AOC2: variants seen among roughly 807,000 people sequenced by gnomAD.
AOC2 encodes the protein amine oxidase [copper-containing] 2.
AOC2 carries 57 observed loss-of-function variants against 53.8 expected under a neutral mutation model. The ratio of observed to expected loss-of-function variants is 1.06; its 90% CI spans 0.86 to 1.32. AOC2 has a LOEUF of 1.32. Among genes scored for constraint, AOC2 ranks in the 40% most tolerant of loss-of-function variants. The probability of loss-of-function intolerance (pLI) is 0.00; values close to 1 mark genes in which losing one functional copy is unlikely to be tolerated. For missense variants in AOC2, 1,008 were observed against 957.2 expected (o/e 1.05, Z -0.70); for synonymous variants, 404 against 399.0 (o/e 1.01, Z -0.15).
intron 1 of AOC2, 109 bp from the exon 2 acceptor site, chr17:42,848,977 C>T: frequency 8.3e-7 from 1 of 1,202,254 alleles, no homozygotes; most frequent in Admixed American, 2.7e-5. Context: ...CTCTGATGCT[C>T]TCTCTGCCTT....
chr17:42,845,929 C>T lies in AOC2; in HGVS notation c.1303C>T (p.Arg435Ter), dbSNP rs777111912. The change falls in exon 1 of 4, where the codon CGA (arginine) becomes TGA (stop). Residue 435 changes from arginine (R) to a stop codon, truncating the protein, a stop_gained. Coordinates refer to ENST00000253799, the MANE Select transcript of AOC2 (RefSeq NM_009590.4). LOFTEE classifies it high-confidence loss of function. ...VFEEAQGLPL[R>*]RHHNYLQNHF... ...TGAGGAAGCCCAGGGACTGCCCCTTCGAAGGCACCACAATTACCTTCAAAA... is the reference window on the plus strand; with the variant it reads ...TGAGGAAGCCCAGGGACTGCCCCTTTGAAGGCACCACAATTACCTTCAAAA... 1.4e-5 allele frequency: 22 copies of T among 1,614,032 alleles called. No individual in the cohort carries two copies. The highest frequency in any genetic ancestry group is 6.7e-5 in the Admixed American group (4 of 59,992).
At position 42,845,818 on chromosome 17, in the gene AOC2, T is replaced by C; in HGVS notation, c.1192T>C (p.Cys398Arg). The change falls in exon 1 of 4, where the codon TGC (cysteine) becomes CGC (arginine). Residue 398 changes from cysteine to arginine, a missense_variant. Physicochemically the swap from Cys to Arg is radical, Grantham distance 180. Transcript: ENST00000253799. ...CCGAGGCTTGGTGCGGGGAGTGGAC[T>C]GCCCCTATCAAGCCACGATGGTGGA... ...NSRGLVRGVD[C>R]PYQATMVDIH... The C allele has an allele frequency of 6.2e-7, 1 of 1,614,182 alleles. No homozygotes were observed. Among genetic ancestry groups the C allele is most frequent in the Non-Finnish European group, 8.5e-7 (1 of 1,180,030 alleles).
At position 42,846,018 on chromosome 17, in the gene AOC2, C is replaced by T. The variant is rs367595121; in HGVS notation, c.1392C>T (p.Asn464=). 2.5e-6 allele frequency: 4 copies of T among 1,613,766 alleles called. No individual in the cohort carries two copies. In the African/African-American group the frequency reaches 5.3e-5, roughly 22 times the overall value. Residue 464 remains asparagine, a synonymous_variant, in exon 1 of 4, where the codon AAC becomes AAT. Transcript: ENST00000253799. ...TCAGGTCTGTGTCATCTGTGGGCAACTATGACTACATTTGGGACTTTGTGT... is the reference window on the plus strand; with the variant it reads ...TCAGGTCTGTGTCATCTGTGGGCAATTATGACTACATTTGGGACTTTGTGT... The part of the protein sequence containing the change: ...LVVRSVSSVG[N]YDYIWDFVLY...
chr17:42,849,781 T>G, intron 3 of AOC2, 51 bp downstream of exon 3: 1 of 1,611,452 alleles, frequency 6.2e-7, no homozygotes, highest in Middle Eastern at 1.7e-4. Context: ...CATGGCATCT[T>G]GGCTGCCCAG....
rs2055596849 is a variant in AOC2 at position 42,846,073 on chromosome 17, G to T, written c.1447G>T (p.Val483Phe). The change falls in exon 1 of 4, where the codon GTC becomes TTC. Residue 483 changes from valine (V) to phenylalanine (F), a missense_variant. Physicochemically the swap from Val to Phe is conservative, Grantham distance 50. Transcript: ENST00000253799. Reference sequence around the variant, plus strand: ...CCCAAATGGGGCACTTGAAGGGCGGGTCCATGCCACGGGTTATATCAACAC... The same window carrying T: ...CCCAAATGGGGCACTTGAAGGGCGGTTCCATGCCACGGGTTATATCAACAC... ...LYPNGALEGR[V>F]HATGYINTAF... The T allele has an allele frequency of 2.5e-6, 4 of 1,607,442 alleles. No individual in the cohort carries two copies. Among genetic ancestry groups the T allele is most frequent in the Non-Finnish European group, 3.4e-6 (4 of 1,175,082 alleles).
rs2055648734 is a variant in AOC2, at chr17:42,850,633, A to G, written c.*285A>G. 3.3e-6 allele frequency: 1 copy of G among 306,020 alleles called. No individual in the cohort carries two copies. Among genetic ancestry groups the G allele is most frequent in the Non-Finnish European group, 5.9e-6 (1 of 168,194 alleles). 19.0% of individuals were successfully genotyped at this position (306,020 alleles called of 1,614,324 possible). ...ATCAGACATCTCTTTATGCATGTGC[A>G]TTCAAAAGGAAGAGTAGATAGAATT... On this transcript the variant is annotated 3_prime_UTR_variant, in exon 4 of 4. Coordinates refer to ENST00000253799, the MANE Select transcript of AOC2 (RefSeq NM_009590.4).
At position 42,846,061 on chromosome 17, in the gene AOC2, C is replaced by T. The variant is rs750298859; in HGVS notation, c.1435C>T (p.Leu479Phe). 1 of 1,608,382 alleles carries T rather than the reference C, an allele frequency of 6.2e-7. No individual in the cohort carries two copies. The highest frequency in any genetic ancestry group is 8.5e-7 in the Non-Finnish European group (1 of 1,175,550). Residue 479 changes from leucine (L) to phenylalanine (F), a missense_variant, in exon 1 of 4, where the codon CTT becomes TTT. Leu to Phe is a conservative substitution (Grantham distance 22). Transcript: ENST00000253799. ...CTTTGTGTTGTACCCAAATGGGGCACTTGAAGGGCGGGTCCATGCCACGGG... is the reference window on the plus strand; with the variant it reads ...CTTTGTGTTGTACCCAAATGGGGCATTTGAAGGGCGGGTCCATGCCACGGG... ...WDFVLYPNGA[L>F]EGRVHATGYI...
In AOC2 at chr17:42,844,759, C is replaced by T. The variant is rs1371665886; in HGVS notation, c.133C>T (p.Gln45Ter). The T allele has an allele frequency of 1.9e-6, 3 of 1,614,094 alleles. No individual in the cohort carries two copies. Among genetic ancestry groups the T allele is most frequent in the African/African-American group, 1.3e-5 (1 of 74,924 alleles). ...PHCPSVSHRA[Q>*]PWPHPGQSQL... ...CTGCCCCTCTGTATCCCATAGGGCCCAGCCCTGGCCACACCCTGGCCAGAG... is the reference window on the plus strand; with the variant it reads ...CTGCCCCTCTGTATCCCATAGGGCCTAGCCCTGGCCACACCCTGGCCAGAG... The change falls in exon 1 of 4, where the codon CAG becomes TAG. Residue 45 changes from glutamine (Q) to a stop codon, truncating the protein, a stop_gained. Coordinates refer to ENST00000253799, the MANE Select transcript of AOC2 (RefSeq NM_009590.4). LOFTEE classifies it high-confidence loss of function.
intron 1 of AOC2, among the ~76,000 whole-genome samples, chr17:42,847,142 T>C (rs1237619812): frequency 4.6e-5 from 7 of 152,378 alleles, no homozygotes; most frequent in Middle Eastern, 3.4e-3. Flanking sequence ...GAAGGACTAA[T>C]AGCATGATTG....
chr17:42,845,714 T>C lies in AOC2; in HGVS notation c.1088T>C (p.Val363Ala). Residue 363 changes from valine to alanine, a missense_variant, in exon 1 of 4, where the codon GTA becomes GCA. Coordinates refer to ENST00000253799, the MANE Select transcript of AOC2 (RefSeq NM_009590.4). ...TATGAAGTCAGTGTCCAGGAGTGTG[T>C]ATCTATCTATGGTGCCGATTCACCC... The part of the protein sequence containing the change: ...IAYEVSVQEC[V>A]SIYGADSPKT... 1 of 1,614,166 alleles carries C rather than the reference T, an allele frequency of 6.2e-7. No individual in the cohort carries two copies. The highest frequency in any genetic ancestry group is 1.6e-4 in the Middle Eastern group (1 of 6,062).
rs764016628 is a variant in AOC2 at position 42,849,682 on chromosome 17, C to T, written c.1956C>T (p.Pro652=). 2 of 1,614,222 alleles carry T rather than the reference C, an allele frequency of 1.2e-6. No individual in the cohort carries two copies. The highest frequency in any genetic ancestry group is 1.1e-5 in the South Asian group (1 of 91,088). ...SIYHQNDIWT[P]TVTFADFINN... The stretch of plus-strand genomic sequence containing the variant: ...ATCACCAGAATGACATCTGGACACC[C>T]ACAGTTACCTTTGCTGACTTCATCA... The change falls in exon 3 of 4, where the codon CCC becomes CCT. Residue 652 remains proline (P), a synonymous_variant. Coordinates refer to ENST00000253799, the MANE Select transcript of AOC2 (RefSeq NM_009590.4).
At position 42,844,784 on chromosome 17, in the gene AOC2, G is replaced by C. The variant is rs758797158; in HGVS notation, c.158G>C (p.Ser53Thr). The change falls in exon 1 of 4, where the codon AGC becomes ACC. Residue 53 changes from serine (S) to threonine (T), a missense_variant. Coordinates refer to ENST00000253799, the MANE Select transcript of AOC2 (RefSeq NM_009590.4). ...RAQPWPHPGQSQLFADLSREE... is the reference protein window; with the variant it reads ...RAQPWPHPGQTQLFADLSREE... The stretch of plus-strand genomic sequence containing the variant: ...CAGCCCTGGCCACACCCTGGCCAGA[G>C]CCAGCTGTTTGCAGACCTGAGCCGA... 6 of 1,614,104 alleles carry C rather than the reference G, an allele frequency of 3.7e-6. No homozygotes were observed. In the East Asian group the frequency reaches 1.3e-4, roughly 36 times the overall value.
In AOC2 at chr17:42,849,228, C is replaced by A. The variant is rs1156829797; in HGVS notation, c.1731C>A (p.Ser577Arg). ...KEDLTAFSLG[S>R]PLPRYLYLAS... ...ACCTGACAGCTTTTTCCTTGGGAAG[C>A]CCCCTACCCCGCTACCTCTACCTGG... The change falls in exon 2 of 4, where the codon AGC becomes AGA. Residue 577 changes from serine to arginine, a missense_variant. Ser to Arg is a moderately radical substitution (Grantham distance 110). Transcript: ENST00000253799. The A allele has an allele frequency of 6.2e-7, 1 of 1,614,164 alleles. No individual in the cohort carries two copies. Among genetic ancestry groups the A allele is most frequent in the East Asian group, 2.2e-5 (1 of 44,882 alleles).
chr17:42,848,524 A>AATATATATATATATATATATACATAT (rs966225347), intron 1 of AOC2, among the ~76,000 whole-genome samples: 9 of 131,258 alleles, frequency 6.9e-5, no homozygotes, highest in East Asian at 4.1e-4. Flanking sequence ...AGAGGAACTG[A>AATATATATATATATATATATACATAT]ATATATATAT....
In AOC2 at chr17:42,849,648, G is replaced by T; in HGVS notation, c.1922G>T (p.Ser641Ile). The change falls in exon 3 of 4, where the codon AGT (serine) becomes ATT (isoleucine). Residue 641 changes from serine to isoleucine, a missense_variant. Coordinates refer to ENST00000253799, the MANE Select transcript of AOC2 (RefSeq NM_009590.4). ...TQRKEEESQS[S>I]SIYHQNDIWT... ...AGAAAGGAGGAGGAGTCACAGAGCAGTAGCATCTATCACCAGAATGACATC... is the reference window on the plus strand; with the variant it reads ...AGAAAGGAGGAGGAGTCACAGAGCATTAGCATCTATCACCAGAATGACATC... 6.2e-7 allele frequency: 1 copy of T among 1,614,226 alleles called. No individual in the cohort carries two copies. The highest frequency in any genetic ancestry group is 1.1e-5 in the South Asian group (1 of 91,088).
chr17:42,849,468 C>A, intron 2 of AOC2, 97 bp downstream of exon 2: 1 of 1,579,302 alleles, frequency 6.3e-7, no homozygotes. Context: ...CCATTCATCC[C>A]TGTACCTCCC....
chr17:42,848,958 C>A, intron 1 of AOC2, 128 bp from the exon 2 acceptor site: 1 of 1,056,534 alleles, frequency 9.5e-7, no homozygotes, highest in Non-Finnish European at 1.4e-6. Flanking sequence ...TGGCTCCCAG[C>A]ACAGTGTGCT....
chr17:42,844,898 G>C lies in AOC2; in HGVS notation c.272G>C (p.Cys91Ser). 1 of 1,612,860 alleles carries C rather than the reference G, an allele frequency of 6.2e-7. No homozygotes were observed. The highest frequency in any genetic ancestry group is 8.5e-7 in the Non-Finnish European group (1 of 1,179,322). Reference sequence around the variant, plus strand: ...GCCCAGGCTCAGCCCTCGGACAACTGCATCTTCTCAGTGGAGCTGCAGCTG... The same window carrying C: ...GCCCAGGCTCAGCCCTCGGACAACTCCATCTTCTCAGTGGAGCTGCAGCTG... ...DAAQAQPSDNCIFSVELQLPP... is the reference protein window; with the variant it reads ...DAAQAQPSDNSIFSVELQLPP... The change falls in exon 1 of 4, where the codon TGC (cysteine) becomes TCC (serine). Residue 91 changes from cysteine (C) to serine (S), a missense_variant. Transcript: ENST00000253799.
At position 42,845,316 on chromosome 17, in the gene AOC2, T is replaced by C. The variant is rs2055586181; in HGVS notation, c.690T>C (p.Val230=). 1.9e-6 allele frequency: 3 copies of C among 1,614,184 alleles called. No homozygotes were observed. The highest frequency in any genetic ancestry group is 2.7e-5 in the African/African-American group (2 of 75,050). ...WMALYHNISG[V]GLFLHPVGLE... is the part of the protein sequence containing the mutation. ...CCCTCTACCATAACATCTCAGGGGT[T>C]GGTCTTTTCCTTCACCCCGTGGGGC... Residue 230 remains valine (V), a synonymous_variant, in exon 1 of 4, where the codon GTT becomes GTC. Transcript: ENST00000253799.
Sources: allele counts gnomAD v4.1 joint callset (sites outside exome capture counted in the v4.1 genomes callset), GRCh38; gene constraint gnomAD v4.1.1; transcripts MANE v1.5; gene names NCBI Gene and HGNC (gene_info 2026-07-23, HGNC 2026-07-21).